Variants in ASIC2 observed in about 807,000 individuals in gnomAD.
ASIC2 encodes acid-sensing ion channel 2.
In ASIC2, 25 loss-of-function variants were observed where a neutral mutation model predicts 57.3. The observed-to-expected ratio is 0.44, with a 90% CI of 0.32 to 0.61. The LOEUF (loss-of-function observed/expected upper bound fraction) is 0.61. Ranked by LOEUF, ASIC2 falls within the 20% of genes least tolerant of loss-of-function variation. The pLI is 0.06. For synonymous variants in ASIC2, 319 were observed against 307.5 expected (o/e 1.04, Z -0.39); for missense variants, 641 against 738.1 (o/e 0.87, Z 1.52).
chr17:33,184,833 CT>C (rs1183795043), intron 1 of ASIC2, among the ~76,000 whole-genome samples: 1 of 152,190 alleles, frequency 6.6e-6, no homozygotes, highest in African/African-American at 2.4e-5. Flanking sequence ...TATTACTAAA[CT>C]TCCAGAACTT....
At chr17:33,532,887 C>A (rs2141962183) in intron 1 of ASIC2, among the ~76,000 whole-genome samples, 1 of 152,320 alleles carries the variant, frequency 6.6e-6, no homozygotes, top group Admixed American at 6.5e-5. Flanking sequence ...TCTTTGTTGG[C>A]TGGGGCTCTC....
intron 1 of ASIC2, among the ~76,000 whole-genome samples, chr17:33,901,836 T>C (rs950241150): frequency 4.6e-5 from 7 of 152,180 alleles, no homozygotes; most frequent in Non-Finnish European, 7.3e-5. Context: ...GCAATTCCAA[T>C]CAGTAGTATA....
Position 33,942,871 on chromosome 17 carries a change from G to C in ASIC2, c.555+213107C>G, listed in dbSNP as rs939395625. ...ACCCCAAAGTCCCAAAGAGGAACTT[G>C]CCTTTAGGGCTTTCAGACCTATGCT... On this transcript the variant is annotated intron_variant, in intron 1 of 9. Coordinates refer to the ASIC2 transcript ENST00000359872. Among the ~76,000 whole-genome samples, 6 of 152,210 alleles carry C rather than the reference G, an allele frequency of 3.9e-5. No homozygotes were observed. In the East Asian group the frequency reaches 1.2e-3, roughly 29 times the overall value.
intron 1 of ASIC2, among the ~76,000 whole-genome samples, chr17:33,784,475 T>A (rs1413999621): frequency 6.6e-6 from 1 of 152,200 alleles, no homozygotes. Flanking sequence ...GGCAATGCTG[T>A]TCAATAGAAA....
In ASIC2 at chr17:33,368,503, G is replaced by A. The variant is rs995016581; in HGVS notation, c.556-256436C>T. 5.9e-5 allele frequency among the ~76,000 whole-genome samples: 9 copies of A among 152,320 alleles called. No homozygotes were observed. The South Asian group carries it at 1.7e-3, about 28-fold the overall frequency. On this transcript the variant is annotated intron_variant, in intron 1 of 9. Transcript: ENST00000359872. ...TGAATTCCTGACCCAAAGAGGGCAT[G>A]AGTTTAATAGATGGTTGTCTTACAC... is the stretch of plus-strand genomic sequence containing the variant.
intron 1 of ASIC2, among the ~76,000 whole-genome samples, chr17:34,000,524 A>G (rs1906305877): frequency 6.6e-6 from 1 of 152,186 alleles, no homozygotes; most frequent in South Asian, 2.1e-4. Flanking sequence ...AAGTGCTGGC[A>G]TTACAGGTGT....
intron 1 of ASIC2, among the ~76,000 whole-genome samples, chr17:33,916,185 A>G (rs1915580663): frequency 6.6e-6 from 1 of 152,150 alleles, no homozygotes; most frequent in Admixed American, 6.5e-5. Context: ...ATGCAACTCC[A>G]GGGTGGATAA....
At chr17:33,645,977 G>A (rs964448096) in intron 1 of ASIC2, among the ~76,000 whole-genome samples, 1 of 152,104 alleles carries the variant, frequency 6.6e-6, no homozygotes, top group Non-Finnish European at 1.5e-5. Flanking sequence ...GCTTAAAAAG[G>A]CTAAGCAAAC....
chr17:33,974,870 C>A lies in ASIC2; in HGVS notation c.555+181108G>T, dbSNP rs1423788611. ...CTGGTTTCCCTATATAAACTTGCAGCCCCACCCTCATCCCTCAGCTTTTCC... is the reference window on the plus strand; with the variant it reads ...CTGGTTTCCCTATATAAACTTGCAGACCCACCCTCATCCCTCAGCTTTTCC... On this transcript the variant is annotated intron_variant, in intron 1 of 9. Coordinates refer to the ASIC2 transcript ENST00000359872. Among the ~76,000 whole-genome samples, 154 of 152,128 alleles carry A rather than the reference C, an allele frequency of 1.0e-3. 1 individual carries two copies. The highest frequency in any genetic ancestry group is 1.0e-4 in the Non-Finnish European group (7 of 68,014).
At chr17:34,018,704 G>T (rs1302107668) in intron 1 of ASIC2, among the ~76,000 whole-genome samples, 1 of 152,154 alleles carries the variant, frequency 6.6e-6, no homozygotes, top group African/African-American at 2.4e-5. Context: ...CTTCAATGAG[G>T]AATGTAACTG....
chr17:33,131,577 C>G lies in ASIC2; in HGVS notation c.709-19510G>C, dbSNP rs543438415. On this transcript the variant is annotated intron_variant, in intron 1 of 9. Coordinates refer to ENST00000225823, the MANE Select transcript of ASIC2 (RefSeq NM_183377.2). ...CTTTTTCATCCCTCTCTCTGCAGCT[C>G]CTGTCACACCAAGGGTGTCTAACAG... is the stretch of plus-strand genomic sequence containing the variant. 4 of 152,448 alleles carry G rather than the reference C, an allele frequency of 2.6e-5. No homozygotes were observed. The South Asian group carries it at 8.3e-4, about 32-fold the overall frequency. The allele number at this position is 152,448 out of a possible 1,614,324, so 9.4% of individuals were successfully genotyped here.
At chr17:33,635,875 CA>C (rs577759232) in intron 1 of ASIC2, among the ~76,000 whole-genome samples, 130 of 152,264 alleles carry the variant, frequency 8.5e-4, no homozygotes, top group African/African-American at 3.0e-3. Flanking sequence ...AAGGCACACA[CA>C]AGGATGCTCA....
At chr17:33,084,089 C>T (rs761159126) in intron 3 of ASIC2, among the ~76,000 whole-genome samples, 3 of 152,064 alleles carry the variant, frequency 2.0e-5, no homozygotes, top group African/African-American at 4.8e-5. Flanking sequence ...CTGGCAGAGC[C>T]GGGAGTGGGT....
intron 1 of ASIC2, chr17:33,565,700 TGA>T (rs1294383244): frequency 6.6e-6 from 1 of 152,208 alleles, no homozygotes; most frequent in Non-Finnish European, 1.5e-5. Context: ...TTCTGGCCAA[TGA>T]GAGAGGGAAA....
intron 1 of ASIC2, among the ~76,000 whole-genome samples, chr17:33,411,215 G>T (rs1219538125): frequency 1.3e-5 from 2 of 152,124 alleles, no homozygotes; most frequent in African/African-American, 4.8e-5. Flanking sequence ...GGTCTTCCTG[G>T]CAGCCCTCCT....
At chr17:33,227,016 T>TC (rs397812583) in intron 1 of ASIC2, among the ~76,000 whole-genome samples, 36 of 152,232 alleles carry the variant, frequency 2.4e-4, no homozygotes, top group Middle Eastern at 3.4e-3. Context: ...AACTTTTTTT[T>TC]CAAGCCTTTC....
At chr17:34,148,570 G>A (rs1177667185) in intron 1 of ASIC2, among the ~76,000 whole-genome samples, 1 of 152,160 alleles carries the variant, frequency 6.6e-6, no homozygotes, top group Non-Finnish European at 1.5e-5. Context: ...ACAGACGGGA[G>A]AGTCAGGATC....
chr17:33,057,880 A>G (rs1431277425), intron 3 of ASIC2, among the ~76,000 whole-genome samples: 1 of 152,222 alleles, frequency 6.6e-6, no homozygotes, highest in Admixed American at 6.5e-5. Flanking sequence ...TACTGGCATT[A>G]GAGGTGGGGC....
At chr17:34,107,363 G>A (rs1009172305) in intron 1 of ASIC2, among the ~76,000 whole-genome samples, 1 of 152,032 alleles carries the variant, frequency 6.6e-6, no homozygotes, top group East Asian at 1.9e-4. Context: ...TAAAAAATTA[G>A]CTAGGGGTGG....
Sources: gnomAD v4.1 joint callset for allele counts (sites outside exome capture counted in the v4.1 genomes callset) on GRCh38, gnomAD v4.1.1 for gene constraint, MANE v1.5 for transcripts, NCBI Gene and HGNC (gene_info 2026-07-23, HGNC 2026-07-21) for gene names.